Variants in CNTNAP2 observed in about 807,000 individuals in gnomAD.
CNTNAP2 encodes contactin-associated protein-like 2.
Under a neutral mutation model 155.2 loss-of-function variants are expected in CNTNAP2, and 98 were observed. The ratio of observed to expected loss-of-function variants is 0.63; its 90% CI spans 0.54 to 0.75. The LOEUF (loss-of-function observed/expected upper bound fraction) is 0.75, where lower values mean the gene tolerates loss of function less well. Ranked by LOEUF, CNTNAP2 falls within the 30% of genes least tolerant of loss-of-function variation. The pLI, the probability that CNTNAP2 is intolerant of heterozygous loss-of-function variation, is 0.00. For missense variants in CNTNAP2, 1,727 were observed against 1,688.1 expected, an observed-to-expected ratio of 1.02 and a Z score of -0.40; for synonymous variants, 651 against 631.2, an observed-to-expected ratio of 1.03 and a Z score of -0.47.
intron 8 of CNTNAP2, among the ~76,000 whole-genome samples, chr7:147,260,391 T>G (rs144487434): frequency 0.01 from 1,582 of 152,252 alleles, 18 homozygotes; most frequent in Non-Finnish European, 0.016. Context: ...TACCTCTGAG[T>G]CAAAGATTCA....
At chr7:147,650,126 C>T (rs563223779) in intron 13 of CNTNAP2, among the ~76,000 whole-genome samples, 20 of 151,870 alleles carry the variant, frequency 1.3e-4, no homozygotes, top group Non-Finnish European at 2.5e-4. Flanking sequence ...TTAATTACAT[C>T]GTAAAATGAA....
At chr7:146,610,590 A>G (rs1799120429) in intron 1 of CNTNAP2, among the ~76,000 whole-genome samples, 2 of 152,320 alleles carry the variant, frequency 1.3e-5, no homozygotes, top group South Asian at 4.1e-4. Flanking sequence ...TCATCTCAAA[A>G]TATGACAATA....
intron 2 of CNTNAP2, 116 bp from the exon 3 acceptor site, chr7:146,839,595 A>G: frequency 1.0e-6 from 1 of 1,004,504 alleles, no homozygotes. Flanking sequence ...TTCATAATAT[A>G]TCTGTGAAAT....
chr7:147,518,076 T>C (rs970450051), intron 11 of CNTNAP2, among the ~76,000 whole-genome samples: 10 of 152,152 alleles, frequency 6.6e-5, no homozygotes, highest in African/African-American at 2.4e-4. Flanking sequence ...TAAGAGTATA[T>C]AGTTATCAAT....
intron 14 of CNTNAP2, among the ~76,000 whole-genome samples, chr7:147,920,507 A>G (rs955110981): frequency 6.6e-6 from 1 of 152,190 alleles, no homozygotes; most frequent in Admixed American, 6.5e-5. Context: ...CAGCTCTACC[A>G]GTGAAGGACT....
At chr7:146,159,199 T>C (rs1251419567) in intron 1 of CNTNAP2, among the ~76,000 whole-genome samples, 1 of 152,154 alleles carries the variant, frequency 6.6e-6, no homozygotes, top group Non-Finnish European at 1.5e-5. Flanking sequence ...CTGAGAGACT[T>C]TGTCACCACC....
intron 1 of CNTNAP2, among the ~76,000 whole-genome samples, chr7:146,564,082 A>G (rs947585105): frequency 2.0e-5 from 3 of 152,206 alleles, no homozygotes; most frequent in African/African-American, 7.2e-5. Context: ...TTATTATTTA[A>G]TCAACTAATC....
intron 14 of CNTNAP2, among the ~76,000 whole-genome samples, chr7:147,964,199 C>G (rs1279270853): frequency 6.6e-6 from 1 of 152,054 alleles, no homozygotes; most frequent in Non-Finnish European, 1.5e-5. Flanking sequence ...CCTCCACAAG[C>G]CAAGGAGAGA....
chr7:147,924,621 C>T (rs1800351277), intron 14 of CNTNAP2, among the ~76,000 whole-genome samples: 1 of 152,116 alleles, frequency 6.6e-6, no homozygotes, highest in East Asian at 1.9e-4. Context: ...AGCCATGATA[C>T]TCCACCTCCT....
chr7:146,864,432 A>G (rs1484708987), intron 3 of CNTNAP2, among the ~76,000 whole-genome samples: 4 of 152,194 alleles, frequency 2.6e-5, no homozygotes, highest in Non-Finnish European at 4.4e-5. Context: ...AACTACCTCA[A>G]ATTCATAATG....
At chr7:146,751,697 T>G (rs1176351648) in intron 1 of CNTNAP2, among the ~76,000 whole-genome samples, 1 of 152,114 alleles carries the variant, frequency 6.6e-6, no homozygotes, top group Non-Finnish European at 1.5e-5. Flanking sequence ...CCATGGTGGT[T>G]TGCTGCACCC....
chr7:148,259,183 A>AAAG (rs1167663749), intron 20 of CNTNAP2, among the ~76,000 whole-genome samples: 1 of 134,808 alleles, frequency 7.4e-6, no homozygotes, highest in Admixed American at 7.3e-5. Flanking sequence ...CCGTCTTAAA[A>AAAG]AAAAAAAAAA....
intron 8 of CNTNAP2, among the ~76,000 whole-genome samples, chr7:147,242,289 A>C (rs555767321): frequency 1.3e-5 from 2 of 152,302 alleles, no homozygotes; most frequent in East Asian, 3.9e-4. Context: ...AATTTTTAAT[A>C]CAGGTCTTTG....
chr7:147,163,358 C>T (rs951271504), intron 8 of CNTNAP2, among the ~76,000 whole-genome samples: 1 of 152,170 alleles, frequency 6.6e-6, no homozygotes, highest in African/African-American at 2.4e-5. Context: ...GCACCAATTA[C>T]TAGTAACTTA....
intron 1 of CNTNAP2, among the ~76,000 whole-genome samples, chr7:146,430,848 A>G (rs1796163264): frequency 1.3e-5 from 2 of 152,064 alleles, no homozygotes; most frequent in Admixed American, 1.3e-4. Context: ...CATATGATCA[A>G]GAACCTGAAA....
chr7:146,244,150 C>T (rs373306483), intron 1 of CNTNAP2, among the ~76,000 whole-genome samples: 12 of 152,098 alleles, frequency 7.9e-5, no homozygotes, highest in African/African-American at 1.2e-4. Flanking sequence ...AGAATTGGGA[C>T]GACTCAGGAC....
At position 146,431,588 on chromosome 7, in the gene CNTNAP2, CAAT is replaced by C. The variant is rs199841905; in HGVS notation, c.97+314619_97+314621del. On this transcript the variant is annotated intron_variant, in intron 1 of 23. Transcript: ENST00000361727. ...ATATTTCTATATGCTTTATGTGAAT[CAAT>C]AATTTAATTTTTATAATAGATCAAT... Among the ~76,000 whole-genome samples, 210 of 152,036 alleles carry C rather than the reference CAAT, an allele frequency of 1.4e-3. 2 individuals carry two copies. The highest frequency in any genetic ancestry group is 0.013 in the East Asian group (65 of 5,158).
chr7:147,755,878 GT>G (rs1563077946), intron 13 of CNTNAP2, among the ~76,000 whole-genome samples: 1 of 151,374 alleles, frequency 6.6e-6, no homozygotes, highest in East Asian at 1.9e-4. Flanking sequence ...AAAAGTCCTG[GT>G]TAGAGTGGCT....
At chr7:146,548,182 C>G (rs1563129839) in intron 1 of CNTNAP2, among the ~76,000 whole-genome samples, 1 of 151,904 alleles carries the variant, frequency 6.6e-6, no homozygotes, top group African/African-American at 2.4e-5. Context: ...GTGTTTTCAT[C>G]ATTTCACTCC....
Sources: allele counts gnomAD v4.1 joint callset (sites outside exome capture counted in the v4.1 genomes callset), GRCh38; gene constraint gnomAD v4.1.1; transcripts MANE v1.5; gene names NCBI Gene and HGNC (gene_info 2026-07-23, HGNC 2026-07-21).